The following SLC44A1 variants were observed in gnomAD, a reference collection of about 807,000 sequenced individuals.
The protein encoded by SLC44A1 is solute carrier family 44 member 1, also known as choline transporter-like protein 1.
A neutral mutation model predicts 79.3 loss-of-function variants in SLC44A1; 26 were observed. That is an observed-to-expected ratio of 0.33 (90% CI 0.24 to 0.46). SLC44A1 has a LOEUF of 0.46. SLC44A1 is among the 20% of genes least tolerant of loss of function. The pLI, the probability that SLC44A1 is intolerant of heterozygous loss-of-function variation, is 1.00. For missense variants in SLC44A1, 688 were observed against 798.1 expected (o/e 0.86, Z 1.66); for synonymous variants, 263 against 286.2 (o/e 0.92, Z 0.82).
intron 3 of SLC44A1, among the ~76,000 whole-genome samples, chr9:105,323,978 C>T (rs1826483190): frequency 6.6e-6 from 1 of 152,024 alleles, no homozygotes. Flanking sequence ...GACTCCTGTA[C>T]TTTCTCCCAA....
intron 1 of SLC44A1, among the ~76,000 whole-genome samples, chr9:105,275,178 C>G (rs1482456631): frequency 1.3e-5 from 2 of 152,172 alleles, no homozygotes. Flanking sequence ...TAAGAAACAA[C>G]TATACAACCG....
intron 15 of SLC44A1, among the ~76,000 whole-genome samples, chr9:105,409,650 A>G (rs1375148883): frequency 6.6e-6 from 1 of 152,190 alleles, no homozygotes; most frequent in East Asian, 1.9e-4. Flanking sequence ...ACGCCACTGC[A>G]CTCCAGCCTT....
Position 105,390,239 on chromosome 9 carries a change from A to G in SLC44A1, c.*1183A>G. ...ACCAGATATGAATGGCTAATACTCC[A>G]TTGTTCTGCTTGTTGTAATGGTGAA... On this transcript the variant is annotated 3_prime_UTR_variant, in exon 16 of 16. Coordinates refer to ENST00000374720, the MANE Select transcript of SLC44A1 (RefSeq NM_080546.5). 9.2e-6 allele frequency: 10 copies of G among 1,087,134 alleles called. No homozygotes were observed. Among genetic ancestry groups the G allele is most frequent in the Non-Finnish European group, 1.1e-5 (10 of 896,116 alleles). 67.3% of individuals were successfully genotyped at this position (1,087,134 alleles called of 1,614,324 possible).
At chr9:105,366,461 A>T in intron 12 of SLC44A1, 32 bp downstream of exon 12, 1 of 957,368 alleles carries the variant, frequency 1.0e-6, no homozygotes, top group East Asian at 3.0e-5. Context: ...TCTAATATTT[A>T]CTTTCAAAGA....
At chr9:105,387,116 G>A (rs1588859543) in intron 15 of SLC44A1, among the ~76,000 whole-genome samples, 1 of 137,068 alleles carries the variant, frequency 7.3e-6, no homozygotes, top group Non-Finnish European at 1.5e-5. Context: ...AAGGAAATAG[G>A]TTTATTTTTG....
intron 1 of SLC44A1, among the ~76,000 whole-genome samples, chr9:105,273,102 C>T (rs1296862106): frequency 1.3e-5 from 2 of 152,098 alleles, no homozygotes; most frequent in African/African-American, 4.8e-5. Context: ...AGCAATTCTC[C>T]TGCCTCAGCC....
intron 5 of SLC44A1, among the ~76,000 whole-genome samples, chr9:105,350,314 TAAAC>T (rs969445139): frequency 2.0e-5 from 3 of 152,306 alleles, no homozygotes; most frequent in Admixed American, 2.0e-4. Flanking sequence ...TAGTATTAGA[TAAAC>T]AAACTGAAAG....
At chr9:105,413,400 A>G (rs749411325) in intron 15 of SLC44A1, among the ~76,000 whole-genome samples, 5 of 152,170 alleles carry the variant, frequency 3.3e-5, no homozygotes, top group Admixed American at 6.5e-5. Context: ...CGCCTTCCCA[A>G]TATAGGTGCC....
At chr9:105,341,538 A>G (rs2131369883) in intron 4 of SLC44A1, among the ~76,000 whole-genome samples, 1 of 152,258 alleles carries the variant, frequency 6.6e-6, no homozygotes, top group South Asian at 2.1e-4. Context: ...GCCAAATACC[A>G]TAAGGACTCA....
chr9:105,246,288 TAGAG>T (rs1172160297), intron 1 of SLC44A1, among the ~76,000 whole-genome samples: 1 of 152,144 alleles, frequency 6.6e-6, no homozygotes, highest in Non-Finnish European at 1.5e-5. Context: ...TGAGATCTGT[TAGAG>T]AGAAAATGAC....
At chr9:105,421,914 C>A (rs962407218) in intron 15 of SLC44A1, among the ~76,000 whole-genome samples, 16 of 152,180 alleles carry the variant, frequency 1.1e-4, no homozygotes, top group Non-Finnish European at 2.1e-4. Context: ...TCCTTCAGCA[C>A]ACTGGTGCAT....
At chr9:105,430,294 T>G (rs1410884140) in intron 15 of SLC44A1, among the ~76,000 whole-genome samples, 1 of 152,212 alleles carries the variant, frequency 6.6e-6, no homozygotes, top group Non-Finnish European at 1.5e-5. Flanking sequence ...CATTAACATA[T>G]CATAACACTG....
Position 105,394,417 on chromosome 9 carries a change from G to A in SLC44A1, c.*5361G>A. The A allele has an allele frequency of 1.4e-6, 1 of 735,556 alleles. No homozygotes were observed. Among genetic ancestry groups the A allele is most frequent in the Non-Finnish European group, 1.5e-6 (1 of 659,068 alleles). 45.6% of individuals were successfully genotyped at this position (735,556 alleles called of 1,614,324 possible). On this transcript the variant is annotated 3_prime_UTR_variant, in exon 16 of 16. Coordinates refer to ENST00000374720, the MANE Select transcript of SLC44A1 (RefSeq NM_080546.5). ...TCTTTCCTTGGAGGTATGAGGGTGT[G>A]TATGTGTGTGTGTGTGTGTGTGTGT... is the stretch of plus-strand genomic sequence containing the variant.
At chr9:105,261,935 A>G (rs1829851111) in intron 1 of SLC44A1, among the ~76,000 whole-genome samples, 2 of 151,796 alleles carry the variant, frequency 1.3e-5, no homozygotes, top group African/African-American at 2.4e-5. Context: ...GCCCGCCACC[A>G]TGCCCAGCTA....
intron 12 of SLC44A1, among the ~76,000 whole-genome samples, chr9:105,370,475 CAG>C (rs1431499383): frequency 2.0e-5 from 3 of 152,136 alleles, no homozygotes; most frequent in African/African-American, 7.2e-5. Flanking sequence ...AGAAATTTCT[CAG>C]AGGGGTGGAG....
intron 5 of SLC44A1, among the ~76,000 whole-genome samples, chr9:105,355,288 A>G (rs1353351238): frequency 6.6e-6 from 1 of 152,252 alleles, no homozygotes; most frequent in East Asian, 1.9e-4. Context: ...GTAACAAAAC[A>G]GGTTAATGTC....
intron 15 of SLC44A1, among the ~76,000 whole-genome samples, chr9:105,418,861 T>C (rs1180626434): frequency 6.6e-6 from 1 of 152,208 alleles, no homozygotes; most frequent in Non-Finnish European, 1.5e-5. Context: ...ATTGGCCAAG[T>C]CAACAGCCTA....
chr9:105,259,398 G>A (rs2131208935), intron 1 of SLC44A1, among the ~76,000 whole-genome samples: 1 of 152,324 alleles, frequency 6.6e-6, no homozygotes, highest in Admixed American at 6.5e-5. Flanking sequence ...CAAGGCTCTG[G>A]AGAGCAGTAA....
Position 105,389,101 on chromosome 9 carries a change from A to G in SLC44A1, c.*45A>G. The G allele has an allele frequency of 6.2e-7, 1 of 1,610,308 alleles. No individual in the cohort carries two copies. The highest frequency in any genetic ancestry group is 8.5e-7 in the Non-Finnish European group (1 of 1,177,114). ...AAACCCATTGACATTCCAAAACAAT[A>G]TATACACATAACTATGTATTTGTGT... On this transcript the variant is annotated 3_prime_UTR_variant, in exon 16 of 16. Coordinates refer to ENST00000374720, the MANE Select transcript of SLC44A1 (RefSeq NM_080546.5).
Sources: allele counts gnomAD v4.1 joint callset (sites outside exome capture counted in the v4.1 genomes callset), GRCh38; gene constraint gnomAD v4.1.1; transcripts MANE v1.5; gene names NCBI Gene and HGNC (gene_info 2026-07-23, HGNC 2026-07-21).